LRP1B: variants seen among roughly 807,000 people sequenced by gnomAD.
The protein encoded by LRP1B is LDL receptor related protein 1B.
LRP1B carries 217 observed loss-of-function variants against 556.6 expected under a neutral mutation model. The observed-to-expected ratio is 0.39, with a 90% CI of 0.35 to 0.44. The LOEUF is 0.44. Ranked by LOEUF, LRP1B falls within the 20% of genes least tolerant of loss-of-function variation. The probability of loss-of-function intolerance (pLI) is 1.00; values close to 1 mark genes in which losing one functional copy is unlikely to be tolerated. For missense variants in LRP1B, 5,053 were observed against 5,620.8 expected (o/e 0.90, Z 3.23); for synonymous variants, 2,047 against 1,865.8 (o/e 1.10, Z -2.50).
At chr2:141,090,469 C>G (rs1193288396) in intron 7 of LRP1B, among the ~76,000 whole-genome samples, 3 of 152,108 alleles carry the variant, frequency 2.0e-5, no homozygotes, top group Non-Finnish European at 4.4e-5. Context: ...TTATTATTAC[C>G]AAAGAGCTAG....
chr2:140,322,599 T>C (rs1254932817), intron 81 of LRP1B, among the ~76,000 whole-genome samples: 1 of 120,488 alleles, frequency 8.3e-6, no homozygotes. Context: ...AAATACGACT[T>C]TTTTTTTGAA....
chr2:140,481,971 C>T (rs781454499), intron 59 of LRP1B, among the ~76,000 whole-genome samples: 4 of 152,144 alleles, frequency 2.6e-5, no homozygotes, highest in East Asian at 1.9e-4. Flanking sequence ...TAGAGCACCA[C>T]GTCACTCAGC....
At chr2:140,939,179 C>A (rs1695320204) in intron 20 of LRP1B, among the ~76,000 whole-genome samples, 1 of 152,032 alleles carries the variant, frequency 6.6e-6, no homozygotes, top group African/African-American at 2.4e-5. Context: ...CTCTTTTATT[C>A]AACATTTACT....
rs1301361896 is a variant in LRP1B at position 140,978,392 on chromosome 2, C to G, written c.2887+3768G>C. On this transcript the variant is annotated intron_variant, in intron 18 of 90. Coordinates refer to ENST00000389484, the MANE Select transcript of LRP1B (RefSeq NM_018557.3). ...TGTGTAACAGTAGCCATAACCCTAA[C>G]AGAGATTGTTCATGAAGCTGAAATG... is the stretch of plus-strand genomic sequence containing the variant. Among the ~76,000 whole-genome samples the G allele has an allele frequency of 7.2e-5, 11 of 152,052 alleles. No homozygotes were observed. The East Asian group carries it at 1.3e-3, about 19-fold the overall frequency.
chr2:140,985,740 T>G (rs561145816), intron 17 of LRP1B, among the ~76,000 whole-genome samples: 1 of 152,082 alleles, frequency 6.6e-6, no homozygotes, highest in East Asian at 1.9e-4. Flanking sequence ...TGGTCAATTG[T>G]TCTTTTTTTT....
intron 20 of LRP1B, among the ~76,000 whole-genome samples, chr2:140,936,560 T>G (rs544131460): frequency 1.5e-3 from 230 of 151,548 alleles, no homozygotes; most frequent in Non-Finnish European, 2.7e-3. Context: ...TCTGGTGAAA[T>G]GAAAGGAAAA....
At chr2:141,386,287 C>T (rs1029631721) in intron 3 of LRP1B, among the ~76,000 whole-genome samples, 1 of 152,054 alleles carries the variant, frequency 6.6e-6, no homozygotes, top group Non-Finnish European at 1.5e-5. Context: ...TGGTTTCAAA[C>T]ATTTTGGATA....
intron 29 of LRP1B, among the ~76,000 whole-genome samples, chr2:140,845,432 T>C (rs1288739965): frequency 6.6e-6 from 1 of 152,104 alleles, no homozygotes. Flanking sequence ...TCAAGTCTTC[T>C]GTAAAAGAAA....
chr2:140,598,604 T>C (rs976723395), intron 43 of LRP1B, 27 bp downstream of exon 43: 5 of 1,553,298 alleles, frequency 3.2e-6, no homozygotes, highest in Non-Finnish European at 4.4e-6. Flanking sequence ...TATAACTCTA[T>C]AACCAAGAAA....
intron 2 of LRP1B, among the ~76,000 whole-genome samples, chr2:141,517,005 A>T (rs1163714949): frequency 1.5e-5 from 1 of 64,746 alleles, no homozygotes; most frequent in Non-Finnish European, 3.1e-5. Flanking sequence ...CCCGTCTCTT[A>T]AAAAAAAAAA....
chr2:140,676,234 C>T (rs980294621), intron 41 of LRP1B, among the ~76,000 whole-genome samples: 1 of 152,060 alleles, frequency 6.6e-6, no homozygotes, highest in African/African-American at 2.4e-5. Context: ...AATTTGCTTC[C>T]TACAGCACGT....
intron 71 of LRP1B, among the ~76,000 whole-genome samples, chr2:140,370,508 G>A (rs992382635): frequency 7.9e-5 from 12 of 151,956 alleles, no homozygotes; most frequent in African/African-American, 2.9e-4. Flanking sequence ...TGTTTGTCAT[G>A]CCCAGATTGG....
chr2:140,806,047 G>C (rs1175932829), intron 32 of LRP1B, among the ~76,000 whole-genome samples: 2 of 144,752 alleles, frequency 1.4e-5, no homozygotes, highest in Admixed American at 7.0e-5. Context: ...CTTATAAAAG[G>C]ATCCCCAGAG....
chr2:141,247,341 A>G lies in LRP1B; in HGVS notation c.477T>C (p.Cys159=). Residue 159 remains cysteine (C), a synonymous_variant, in exon 5 of 91, where the codon TGT becomes TGC. Coordinates refer to ENST00000389484, the MANE Select transcript of LRP1B (RefSeq NM_018557.3). ...DGRSCKDQDE[C]AVYGTCSQTC... is the part of the protein sequence containing the mutation. ...TCTGGCTGCATGTACCATAAACAGC[A>G]CATTCATCTTGATCTAAAAAGGAAA... is the stretch of plus-strand genomic sequence containing the variant. 6.2e-7 allele frequency: 1 copy of G among 1,613,614 alleles called. No homozygotes were observed. Among genetic ancestry groups the G allele is most frequent in the Non-Finnish European group, 8.5e-7 (1 of 1,179,674 alleles).
chr2:140,623,035 T>C (rs993829539), intron 41 of LRP1B, among the ~76,000 whole-genome samples: 29 of 152,092 alleles, frequency 1.9e-4, no homozygotes, highest in African/African-American at 6.8e-4. Context: ...AATTTACATA[T>C]TTTTAAAAAT....
At chr2:141,798,405 C>T (rs11691590) in intron 2 of LRP1B, among the ~76,000 whole-genome samples, 64,687 of 151,868 alleles carry the variant, frequency 0.43, 14,168 homozygotes, top group Middle Eastern at 0.56. Context: ...TGACTAAAGA[C>T]GTCTTAGAAT....
intron 2 of LRP1B, among the ~76,000 whole-genome samples, chr2:141,806,219 G>A (rs532199349): frequency 6.6e-5 from 10 of 151,978 alleles, no homozygotes; most frequent in Non-Finnish European, 1.3e-4. Flanking sequence ...TCAAGAAGAC[G>A]TTCCTGCTAC....
At chr2:141,409,226 A>T (rs1690758610) in intron 3 of LRP1B, among the ~76,000 whole-genome samples, 1 of 152,218 alleles carries the variant, frequency 6.6e-6, no homozygotes, top group African/African-American at 2.4e-5. Flanking sequence ...CATCTCTAAT[A>T]AAATATATGT....
At chr2:140,921,454 G>A (rs576156181) in intron 21 of LRP1B, among the ~76,000 whole-genome samples, 2 of 152,048 alleles carry the variant, frequency 1.3e-5, no homozygotes, top group African/African-American at 4.8e-5. Flanking sequence ...TTTGAAGTAT[G>A]TTAACTCGAG....
Sources: gnomAD v4.1 joint callset for allele counts (sites outside exome capture counted in the v4.1 genomes callset) on GRCh38, gnomAD v4.1.1 for gene constraint, MANE v1.5 for transcripts, NCBI Gene and HGNC (gene_info 2026-07-23, HGNC 2026-07-21) for gene names.